Variants in PIGK observed in about 807,000 individuals in gnomAD.
PIGK encodes GPI-anchor transamidase.
In PIGK, 42 loss-of-function variants were observed where a neutral mutation model predicts 50.6. The ratio of observed to expected loss-of-function variants is 0.83; its 90% CI spans 0.65 to 1.07. The LOEUF is 1.07. PIGK is among the 50% of genes least tolerant of loss of function. The probability of loss-of-function intolerance (pLI) is 0.00; values close to 1 mark genes in which losing one functional copy is unlikely to be tolerated. For missense variants in PIGK, 448 were observed against 488.7 expected (o/e 0.92, Z 0.78); for synonymous variants, 151 against 156.0 (o/e 0.97, Z 0.24).
intron 2 of PIGK, among the ~76,000 whole-genome samples, chr1:77,210,106 C>T (rs1378095573): frequency 6.6e-6 from 1 of 151,974 alleles, no homozygotes; most frequent in African/African-American, 2.4e-5. Context: ...AAGTATCTAT[C>T]AACTAATACT....
chr1:77,136,744 T>C (rs569700610), intron 9 of PIGK, among the ~76,000 whole-genome samples: 2 of 152,298 alleles, frequency 1.3e-5, no homozygotes, highest in East Asian at 1.9e-4. Context: ...TTATCTCTTA[T>C]ATTGCCTTTT....
At chr1:77,207,960 A>G (rs1236283307) in intron 2 of PIGK, among the ~76,000 whole-genome samples, 2 of 152,174 alleles carry the variant, frequency 1.3e-5, no homozygotes, top group Non-Finnish European at 2.9e-5. Context: ...AGTAGCTTAC[A>G]CCTATAATCC....
At chr1:77,209,283 A>C (rs1656361280) in intron 2 of PIGK, among the ~76,000 whole-genome samples, 1 of 152,174 alleles carries the variant, frequency 6.6e-6, no homozygotes, top group Non-Finnish European at 1.5e-5. Flanking sequence ...CATAGGAAAA[A>C]CAAATTTGAT....
chr1:77,120,519 G>A (rs1365931877), intron 10 of PIGK, among the ~76,000 whole-genome samples: 1 of 152,118 alleles, frequency 6.6e-6, no homozygotes, highest in Admixed American at 6.5e-5. Flanking sequence ...CACGTGCCCG[G>A]CCAAAATTTG....
chr1:77,129,094 G>C (rs1441758645), intron 9 of PIGK: 1 of 884,796 alleles, frequency 1.1e-6, no homozygotes, highest in South Asian at 1.3e-5. Flanking sequence ...TCCCTAAGCA[G>C]CCTGAGGTAA....
intron 9 of PIGK, among the ~76,000 whole-genome samples, chr1:77,143,266 A>G (rs2100544046): frequency 6.6e-6 from 1 of 152,254 alleles, no homozygotes; most frequent in South Asian, 2.1e-4. Flanking sequence ...TTCTTGGTCA[A>G]GTATTTAATA....
chr1:77,134,392 G>T (rs141975344), intron 9 of PIGK, among the ~76,000 whole-genome samples: 14 of 152,284 alleles, frequency 9.2e-5, no homozygotes, highest in African/African-American at 3.4e-4. Flanking sequence ...TTTAGTTTTA[G>T]AATTTGGCAA....
At chr1:77,120,928 C>T (rs1385642058) in intron 10 of PIGK, among the ~76,000 whole-genome samples, 1 of 152,154 alleles carries the variant, frequency 6.6e-6, no homozygotes, top group African/African-American at 2.4e-5. Flanking sequence ...TTGGAATTCA[C>T]ACAGTGTATA....
At chr1:77,102,472 G>A (rs1275512895) in intron 10 of PIGK, among the ~76,000 whole-genome samples, 3 of 152,142 alleles carry the variant, frequency 2.0e-5, no homozygotes, top group Admixed American at 2.0e-4. Context: ...GAACAAGAGC[G>A]ATGACAACTT....
chr1:77,101,024 G>A (rs961031754), intron 10 of PIGK, among the ~76,000 whole-genome samples: 2 of 152,158 alleles, frequency 1.3e-5, no homozygotes, highest in Non-Finnish European at 2.9e-5. Context: ...CTCATGGAAA[G>A]TGCGAGATAA....
intron 3 of PIGK, chr1:77,195,135 G>C: frequency 1.6e-6 from 2 of 1,224,728 alleles, no homozygotes; most frequent in Middle Eastern, 2.0e-4. Flanking sequence ...GTGATTCAGA[G>C]TTCATGAATA....
intron 9 of PIGK, among the ~76,000 whole-genome samples, chr1:77,124,265 T>C (rs1654175461): frequency 6.6e-6 from 1 of 152,220 alleles, no homozygotes; most frequent in South Asian, 2.1e-4. Context: ...CAACTTGCTT[T>C]AAAGCATTTC....
intron 6 of PIGK, among the ~76,000 whole-genome samples, chr1:77,163,382 G>C (rs1042771721): frequency 7.2e-5 from 11 of 152,102 alleles, no homozygotes; most frequent in Non-Finnish European, 1.0e-4. Context: ...CTAAAGAGAT[G>C]CTTAGCAAGG....
intron 10 of PIGK, among the ~76,000 whole-genome samples, chr1:77,105,169 T>C (rs1490889645): frequency 6.6e-6 from 1 of 152,098 alleles, no homozygotes; most frequent in East Asian, 1.9e-4. Context: ...AAATGGCATG[T>C]CATCTTCCCT....
At chr1:77,197,367 A>G (rs1656060122) in intron 3 of PIGK, among the ~76,000 whole-genome samples, 1 of 152,230 alleles carries the variant, frequency 6.6e-6, no homozygotes, top group Non-Finnish European at 1.5e-5. Flanking sequence ...GAAGTAAAAC[A>G]TGTAAACATG....
rs1265293559 is a variant in PIGK at position 77,090,134 on chromosome 1, TCAC to T, written c.*2237_*2239del. 1.3e-5 allele frequency: 2 copies of T among 152,268 alleles called. No individual in the cohort carries two copies. Among genetic ancestry groups the T allele is most frequent in the African/African-American group, 4.8e-5 (2 of 41,480 alleles). 9.4% of individuals were successfully genotyped at this position (152,268 alleles called of 1,614,324 possible). On this transcript the variant is annotated 3_prime_UTR_variant, in exon 11 of 11. Transcript: ENST00000370812. ...GTCAAAATACTATCTCATCTGATTC[TCAC>T]CACAACACTGTGAGAAAGGCAAAAA... is the stretch of plus-strand genomic sequence containing the variant.
intron 9 of PIGK, among the ~76,000 whole-genome samples, chr1:77,148,854 A>G (rs1275067382): frequency 6.6e-6 from 1 of 151,936 alleles, no homozygotes; most frequent in Non-Finnish European, 1.5e-5. Flanking sequence ...AGCTGGGACT[A>G]CAGGTGCGCA....
chr1:77,145,136 T>G (rs1447037217), intron 9 of PIGK, among the ~76,000 whole-genome samples: 1 of 151,962 alleles, frequency 6.6e-6, no homozygotes, highest in Admixed American at 6.6e-5. Context: ...TTCTTCACAA[T>G]CAATTTTACC....
At chr1:77,094,521 C>T (rs550390679) in intron 10 of PIGK, among the ~76,000 whole-genome samples, 1 of 152,084 alleles carries the variant, frequency 6.6e-6, no homozygotes, top group Non-Finnish European at 1.5e-5. Context: ...CATTCAAGCT[C>T]TACATTCATC....
Sources: gnomAD v4.1 joint callset for allele counts (sites outside exome capture counted in the v4.1 genomes callset) on GRCh38, gnomAD v4.1.1 for gene constraint, MANE v1.5 for transcripts, NCBI Gene and HGNC (gene_info 2026-07-23, HGNC 2026-07-21) for gene names.